Variants in CCDC88A observed in about 807,000 individuals in gnomAD.
The protein encoded by CCDC88A is girdin.
CCDC88A carries 54 observed loss-of-function variants against 234.3 expected under a neutral mutation model. That is an observed-to-expected ratio of 0.23 (90% confidence interval 0.19 to 0.29). The LOEUF (loss-of-function observed/expected upper bound fraction) is 0.29. Among genes scored for constraint, CCDC88A ranks in the 10% least tolerant of loss-of-function variants. The probability of loss-of-function intolerance (pLI) is 1.00; values close to 1 mark genes in which losing one functional copy is unlikely to be tolerated. For synonymous variants in CCDC88A, 753 were observed against 737.8 expected, an observed-to-expected ratio of 1.02 and a Z score of -0.33; for missense variants, 1,832 against 2,123.4, an observed-to-expected ratio of 0.86 and a Z score of 2.70.
Position 55,318,849 on chromosome 2 carries a change from C to G in CCDC88A, c.3318G>C (p.Lys1106Asn). Reference sequence around the variant, plus strand: ...CAAAATATTATATTACAACCTGAAGCTTGGCATTCTGTGTTTGAAGAGTGG... The same window carrying G: ...CAAAATATTATATTACAACCTGAAGGTTGGCATTCTGTGTTTGAAGAGTGG... ...QNTTLQTQNA[K>N]LQVENSTLNS... Residue 1106 changes from lysine (K) to asparagine (N), a missense_variant, in exon 19 of 33, where the codon AAG becomes AAC. Physicochemically the swap from Lys to Asn is moderately conservative, Grantham distance 94 (BLOSUM62 0). Transcript: ENST00000436346. 6.3e-7 allele frequency: 1 copy of G among 1,594,664 alleles called. No homozygotes were observed. The highest frequency in any genetic ancestry group is 8.6e-7 in the Non-Finnish European group (1 of 1,167,834).
chr2:55,363,069 T>C (rs1337564416), intron 6 of CCDC88A, among the ~76,000 whole-genome samples: 1 of 151,964 alleles, frequency 6.6e-6, no homozygotes, highest in Non-Finnish European at 1.5e-5. Context: ...TAACTTGCAA[T>C]ACTTAGCATT....
chr2:55,408,288 C>T (rs1306971278), intron 2 of CCDC88A, among the ~76,000 whole-genome samples: 2 of 152,078 alleles, frequency 1.3e-5, no homozygotes, highest in East Asian at 3.8e-4. Context: ...ACCTACTCTT[C>T]CTTCATTCTT....
intron 9 of CCDC88A, 107 bp downstream of exon 9, chr2:55,349,411 C>T (rs1167395126): frequency 5.0e-6 from 4 of 807,648 alleles, no homozygotes; most frequent in Admixed American, 2.7e-5. Context: ...CCTCAGGAAC[C>T]TCTTTTATTT....
chr2:55,402,885 T>C (rs985256353), intron 2 of CCDC88A, among the ~76,000 whole-genome samples: 1 of 151,952 alleles, frequency 6.6e-6, no homozygotes, highest in African/African-American at 2.4e-5. Context: ...GGTGGGCACC[T>C]GTAGTCCCAG....
At chr2:55,396,825 A>G (rs891507206) in intron 2 of CCDC88A, among the ~76,000 whole-genome samples, 2 of 138,374 alleles carry the variant, frequency 1.4e-5, no homozygotes, top group African/African-American at 2.7e-5. Context: ...AGCCGAGATC[A>G]CGCCACTGCA....
chr2:55,312,084 C>T (rs1162101929), intron 23 of CCDC88A, among the ~76,000 whole-genome samples: 3 of 152,178 alleles, frequency 2.0e-5, no homozygotes, highest in African/African-American at 4.8e-5. Context: ...TATAAATCTC[C>T]ACTCAAATCT....
At chr2:55,368,195 G>A (rs192490521) in intron 5 of CCDC88A, among the ~76,000 whole-genome samples, 3 of 152,316 alleles carry the variant, frequency 2.0e-5, no homozygotes, top group African/African-American at 7.2e-5. Flanking sequence ...GAACTTGACT[G>A]AGTTGGACAG....
chr2:55,317,793 T>G lies in CCDC88A; in HGVS notation c.3373A>C (p.Asn1125His), dbSNP rs751030756. ...GACTGCTGGATTAGGAGTTGGGCAT[T>G]CTGGTTCATGAGTGAGGTACTTTGG... ...NSQSTSLMNQ[N>H]AQLLIQQSSL... Residue 1125 changes from asparagine (N) to histidine (H), a missense_variant, in exon 20 of 33, where the codon AAT becomes CAT. Coordinates refer to ENST00000436346, the MANE Select transcript of CCDC88A (RefSeq NM_001365480.1). This position sits in a 1 kb window ranked among gnomAD's most constrained non-coding sequence, Gnocchi z 4.2. 2 of 1,610,826 alleles carry G rather than the reference T, an allele frequency of 1.2e-6. No homozygotes were observed. The highest frequency in any genetic ancestry group is 1.7e-6 in the Non-Finnish European group (2 of 1,177,668).
rs1247059413 is a variant in CCDC88A at position 55,303,136 on chromosome 2, T to A, written c.4404A>T (p.Arg1468Ser). ...TCGGTCTGTTCCTCAAAAAGGGCAG[T>A]CTTTTCAGTGCAACCACTTTAATGT... is the stretch of plus-strand genomic sequence containing the variant. Reference protein sequence around the residue: ...TKKSSMVALKRLPFLRNRPKD... With the variant: ...TKKSSMVALKSLPFLRNRPKD... Residue 1468 changes from arginine to serine, a missense_variant, in exon 26 of 33, where the codon AGA becomes AGT. This residue lies in a region of CCDC88A where 1,282 missense variants were observed against 1,543.6 expected (regional missense o/e 0.83). Transcript: ENST00000436346. 2 of 1,550,622 alleles carry A rather than the reference T, an allele frequency of 1.3e-6. No individual in the cohort carries two copies. The highest frequency in any genetic ancestry group is 3.9e-5 in the Admixed American group (2 of 50,992).
intron 31 of CCDC88A, chr2:55,292,002 A>C: frequency 3.4e-6 from 1 of 295,036 alleles, no homozygotes; most frequent in Non-Finnish European, 6.0e-6. Context: ...AACTATAACA[A>C]TTACATTTCC....
intron 9 of CCDC88A, 35 bp downstream of exon 9, chr2:55,349,483 G>C: frequency 7.3e-7 from 1 of 1,371,314 alleles, no homozygotes; most frequent in Non-Finnish European, 1.0e-6. Context: ...CCAATTACTT[G>C]GTGGTCCTAA....
intron 2 of CCDC88A, among the ~76,000 whole-genome samples, chr2:55,413,386 T>C (rs912658805): frequency 6.6e-6 from 1 of 152,084 alleles, no homozygotes; most frequent in African/African-American, 2.4e-5. Context: ...TAGTAGATAA[T>C]CCTTCCCCAT....
intron 5 of CCDC88A, among the ~76,000 whole-genome samples, chr2:55,366,235 C>T (rs6756481): frequency 1 from 151,726 of 152,302 alleles, 75,577 homozygotes; most frequent in East Asian, 1. Flanking sequence ...TCTAAGAATA[C>T]GACATGGAGG....
At chr2:55,388,152 T>C (rs2104890109) in intron 3 of CCDC88A, among the ~76,000 whole-genome samples, 1 of 152,294 alleles carries the variant, frequency 6.6e-6, no homozygotes, top group East Asian at 1.9e-4. Context: ...TAAGTAATTC[T>C]TAACAAATAT....
rs911763098 is a variant in CCDC88A at position 55,384,663 on chromosome 2, A to T, written c.273+4115T>A. ...TGTGTATATATACATATATATATAT[A>T]TATATTTTTTAAAGACAGAGTCTCG... On this transcript the variant is annotated intron_variant, in intron 3 of 32. Coordinates refer to ENST00000436346, the MANE Select transcript of CCDC88A (RefSeq NM_001365480.1). Among the ~76,000 whole-genome samples the T allele has an allele frequency of 9.9e-5, 5 of 50,284 alleles. 1 individual carries two copies. The highest frequency in any genetic ancestry group is 6.8e-4 in the African/African-American group (4 of 5,854). 33.0% of individuals were successfully genotyped at this position (50,284 alleles called of 152,430 possible). A position where few individuals can be genotyped will look rare whatever the true frequency, so the allele number is the denominator to read the frequency against.
At chr2:55,410,122 G>T (rs112604903) in intron 2 of CCDC88A, among the ~76,000 whole-genome samples, 2,425 of 152,178 alleles carry the variant, frequency 0.016, 74 homozygotes, top group African/African-American at 0.056. Flanking sequence ...CAATTTGAAG[G>T]CCCACACAGG....
chr2:55,401,851 G>A (rs1391929499), intron 2 of CCDC88A, among the ~76,000 whole-genome samples: 1 of 151,950 alleles, frequency 6.6e-6, no homozygotes, highest in African/African-American at 2.4e-5. Flanking sequence ...GCTAGCAGTA[G>A]GGCATGATAT....
intron 3 of CCDC88A, among the ~76,000 whole-genome samples, chr2:55,375,220 A>G (rs1193422801): frequency 6.6e-6 from 1 of 152,056 alleles, no homozygotes; most frequent in Non-Finnish European, 1.5e-5. Context: ...ACAAACAAAT[A>G]ATAATAAAAA....
chr2:55,359,576 C>T (rs1041705191), intron 7 of CCDC88A, among the ~76,000 whole-genome samples: 25 of 150,576 alleles, frequency 1.7e-4, no homozygotes, highest in African/African-American at 4.6e-4. Flanking sequence ...GTATGCCCCC[C>T]CATTCCTGTA....
Sources: gnomAD v4.1 joint callset for allele counts (sites outside exome capture counted in the v4.1 genomes callset) on GRCh38, gnomAD v4.1.1 for gene constraint, gnomAD v4.1.1 regional missense constraint, Gnocchi (gnomAD v3.1) non-coding constraint, MANE v1.5 for transcripts, NCBI Gene and HGNC (gene_info 2026-07-23, HGNC 2026-07-21) for gene names.